Variants in TTC22 observed in about 807,000 individuals in gnomAD.
TTC22 encodes the protein tetratricopeptide repeat protein 22.
In TTC22, 42 loss-of-function variants were observed where a neutral mutation model predicts 48.2. That is an observed-to-expected ratio of 0.87 (90% CI 0.68 to 1.13). The LOEUF (loss-of-function observed/expected upper bound fraction) is 1.13. Among genes scored for constraint, TTC22 ranks in the 50% most tolerant of loss-of-function variants. The pLI is 0.00. For missense variants in TTC22, 784 were observed against 807.0 expected (o/e 0.97, Z 0.34); for synonymous variants, 345 against 365.5 (o/e 0.94, Z 0.64).
At chr1:54,787,885 C>A in intron 2 of TTC22, 59 bp from the exon 3 acceptor site, 1 of 1,513,056 alleles carries the variant, frequency 6.6e-7, no homozygotes, top group South Asian at 1.2e-5. Flanking sequence ...CTGTGTGCTG[C>A]CAGCCCTGCC....
rs1646248496 is a variant in TTC22, at chr1:54,779,768, G to A, written c.*1475C>T. On this transcript the variant is annotated 3_prime_UTR_variant, in exon 7 of 7. Coordinates refer to ENST00000371276, the MANE Select transcript of TTC22 (RefSeq NM_001114108.2). ...CAAACCTGAAGAATGGTGAAAGTTT[G>A]TGGTACAGTGTGGGGAAAACAGTAA... is the stretch of plus-strand genomic sequence containing the variant. 1 of 152,204 alleles carries A rather than the reference G, an allele frequency of 6.6e-6. No homozygotes were observed. Among genetic ancestry groups the A allele is most frequent in the South Asian group, 2.1e-4 (1 of 4,834 alleles). 9.4% of individuals were successfully genotyped at this position (152,204 alleles called of 1,614,324 possible).
At chr1:54,796,845 G>A (rs1646395691) in intron 1 of TTC22, among the ~76,000 whole-genome samples, 1 of 152,176 alleles carries the variant, frequency 6.6e-6, no homozygotes, top group African/African-American at 2.4e-5. Context: ...CTCTACGTCA[G>A]ACATTGAGGA....
At chr1:54,790,326 A>G (rs1364927879) in intron 1 of TTC22, among the ~76,000 whole-genome samples, 1 of 152,214 alleles carries the variant, frequency 6.6e-6, no homozygotes, top group Non-Finnish European at 1.5e-5. Flanking sequence ...GCTGCAGTGA[A>G]CTATGATAGC....
chr1:54,788,389 C>T (rs1646323447), intron 1 of TTC22, among the ~76,000 whole-genome samples: 1 of 151,898 alleles, frequency 6.6e-6, no homozygotes, highest in African/African-American at 2.4e-5. Flanking sequence ...CCCCCCAACC[C>T]CAGGGCGCAC....
At chr1:54,790,761 G>GGCT (rs3065099) in intron 1 of TTC22, among the ~76,000 whole-genome samples, 148 of 151,618 alleles carry the variant, frequency 9.8e-4, no homozygotes, top group Admixed American at 1.6e-3. Context: ...CAGGCTTCCT[G>GGCT]GCTGCTGCTG....
chr1:54,800,158 G>T (rs896667954), intron 1 of TTC22, among the ~76,000 whole-genome samples: 1 of 152,130 alleles, frequency 6.6e-6, no homozygotes, highest in Non-Finnish European at 1.5e-5. Flanking sequence ...GGGAGTGTGC[G>T]GAGCCTTTGT....
chr1:54,790,450 C>T (rs756410749), intron 1 of TTC22, among the ~76,000 whole-genome samples: 1 of 152,170 alleles, frequency 6.6e-6, no homozygotes, highest in African/African-American at 2.4e-5. Context: ...ATTTGTATCA[C>T]CTTGAAAGGT....
At chr1:54,784,065 A>C (rs907521811) in intron 5 of TTC22, among the ~76,000 whole-genome samples, 7 of 152,228 alleles carry the variant, frequency 4.6e-5, no homozygotes, top group Non-Finnish European at 1.0e-4. Context: ...GATATTTTCA[A>C]TTAGATGGCC....
intron 1 of TTC22, among the ~76,000 whole-genome samples, chr1:54,799,719 C>T (rs1328905601): frequency 1.3e-5 from 2 of 152,220 alleles, no homozygotes; most frequent in Non-Finnish European, 2.9e-5. Context: ...GTCATGTCTA[C>T]ACCCAGCTTA....
intron 3 of TTC22, chr1:54,787,402 T>A (rs548324126): frequency 8.9e-6 from 5 of 560,742 alleles, no homozygotes; most frequent in Non-Finnish European, 1.6e-5. Flanking sequence ...AAAAAATGAC[T>A]CGACTCCTCT....
Position 54,787,897 on chromosome 1 carries a change from A to G in TTC22, c.624-71T>C, listed in dbSNP as rs1646318312. On this transcript the variant is annotated intron_variant, in intron 2 of 6. Coordinates refer to ENST00000371276, the MANE Select transcript of TTC22 (RefSeq NM_001114108.2). ...GTCCTGTGTGCTGCCAGCCCTGCCCAGGCCTGTGGTGGTGGGGGGTGGCGG... is the reference window on the plus strand; with the variant it reads ...GTCCTGTGTGCTGCCAGCCCTGCCCGGGCCTGTGGTGGTGGGGGGTGGCGG... The G allele has an allele frequency of 4.0e-6, 6 of 1,495,890 alleles. No individual in the cohort carries two copies. The East Asian group carries it at 1.4e-4, about 35-fold the overall frequency. The allele number at this position is 1,495,890 out of a possible 1,614,324, so 92.7% of individuals were successfully genotyped here. A position where few individuals can be genotyped will look rare whatever the true frequency, so the allele number is the denominator to read the frequency against.
At position 54,801,004 on chromosome 1, in the gene TTC22, G is replaced by A. The variant is rs1646432790; in HGVS notation, c.160C>T (p.Arg54Trp). The A allele has an allele frequency of 1.2e-6, 2 of 1,608,432 alleles. No individual in the cohort carries two copies. Among genetic ancestry groups the A allele is most frequent in the Non-Finnish European group, 1.7e-6 (2 of 1,178,596 alleles). ...GCGGCCGCCAGCTGGAGCTCCTGCC[G>A]CAGACCCTCCCGCTGCAGCTTCAGG... is the stretch of plus-strand genomic sequence containing the variant. ...RDLKLQREGL[R>W]QELQLAAAPQ... Residue 54 changes from arginine to tryptophan, a missense_variant, in exon 1 of 7, where the codon CGG (arginine) becomes TGG (tryptophan). Arg to Trp is a moderately radical substitution (Grantham distance 101, BLOSUM62 -3). Coordinates refer to ENST00000371276, the MANE Select transcript of TTC22 (RefSeq NM_001114108.2).
At chr1:54,798,687 C>T (rs1168761312) in intron 1 of TTC22, among the ~76,000 whole-genome samples, 1 of 152,208 alleles carries the variant, frequency 6.6e-6, no homozygotes, top group Non-Finnish European at 1.5e-5. Context: ...TTCTTAGAGG[C>T]AGGGACTTCT....
rs1251881716 is a variant in TTC22, at chr1:54,787,064, A to G, written c.751T>C (p.Cys251Arg). Residue 251 changes from cysteine to arginine, a missense_variant, in exon 4 of 7, where the codon TGC becomes CGC. Cys to Arg is a radical substitution (Grantham distance 180, BLOSUM62 -3). Coordinates refer to ENST00000371276, the MANE Select transcript of TTC22 (RefSeq NM_001114108.2). ...EDPRHRALAWCYLGMLLERKD... is the reference protein window; with the variant it reads ...EDPRHRALAWRYLGMLLERKD... ...CGCTCCAGCAGCATCCCGAGGTAGCACCAGGCCAGGGCTGGGGGTGAAGGG... is the reference window on the plus strand; with the variant it reads ...CGCTCCAGCAGCATCCCGAGGTAGCGCCAGGCCAGGGCTGGGGGTGAAGGG... The G allele has an allele frequency of 2.0e-6, 3 of 1,525,608 alleles. No homozygotes were observed. The highest frequency in any genetic ancestry group is 2.6e-6 in the Non-Finnish European group (3 of 1,133,742). The allele number at this position is 1,525,608 out of a possible 1,614,324, so 94.5% of individuals were successfully genotyped here. A position where few individuals can be genotyped will look rare whatever the true frequency, so the allele number is the denominator to read the frequency against.
At chr1:54,792,441 CT>C (rs539509172) in intron 1 of TTC22, among the ~76,000 whole-genome samples, 1,475 of 144,698 alleles carry the variant, frequency 0.01, 17 homozygotes, top group African/African-American at 0.024. Context: ...GTCTCTCTCT[CT>C]TTTTTTTTTT....
chr1:54,787,357 G>C, intron 3 of TTC22: 1 of 557,014 alleles, frequency 1.8e-6, no homozygotes, highest in Non-Finnish European at 3.2e-6. Context: ...CAGCTCTGGT[G>C]GTTCTAGTCC....
At chr1:54,788,683 G>A (rs761789853) in intron 1 of TTC22, among the ~76,000 whole-genome samples, 1 of 152,144 alleles carries the variant, frequency 6.6e-6, no homozygotes, top group South Asian at 2.1e-4. Context: ...GTGCATATCA[G>A]CAGCTCTCCC....
In TTC22 at chr1:54,781,461, C is replaced by T; in HGVS notation, c.1492G>A (p.Asp498Asn). The change falls in exon 7 of 7, where the codon GAC (aspartate) becomes AAC (asparagine). Residue 498 changes from aspartate (D) to asparagine (N), a missense_variant. Transcript: ENST00000371276. Reference sequence around the variant, plus strand: ...TCCTGGGCGCGGCGCAGCCAGGCGTCCACCTCGCGGCCCAGCTCCCCGTCG... The same window carrying T: ...TCCTGGGCGCGGCGCAGCCAGGCGTTCACCTCGCGGCCCAGCTCCCCGTCG... ...LSDGELGREV[D>N]AWLRRAQDKY... 6.9e-7 allele frequency: 1 copy of T among 1,457,886 alleles called. No individual in the cohort carries two copies. The highest frequency in any genetic ancestry group is 9.0e-7 in the Non-Finnish European group (1 of 1,115,014). The allele number at this position is 1,457,886 out of a possible 1,614,324, so 90.3% of individuals were successfully genotyped here.
At chr1:54,786,712 A>T in intron 4 of TTC22, 1 of 384,602 alleles carries the variant, frequency 2.6e-6, no homozygotes, top group Non-Finnish European at 4.6e-6. Context: ...TGAAGGTCTC[A>T]AGGGAAAAAG....
Sources: gnomAD v4.1 joint callset for allele counts (sites outside exome capture counted in the v4.1 genomes callset) on GRCh38, gnomAD v4.1.1 for gene constraint, MANE v1.5 for transcripts, NCBI Gene and HGNC (gene_info 2026-07-23, HGNC 2026-07-21) for gene names.